The following ERBB4 variants were observed in gnomAD, a reference collection of about 807,000 sequenced individuals.
ERBB4 encodes erb-b2 receptor tyrosine kinase 4, also known as receptor tyrosine-protein kinase erbB-4.
A neutral mutation model predicts 158.0 loss-of-function variants in ERBB4; 42 were observed. The ratio of observed to expected loss-of-function variants is 0.27; its 90% CI spans 0.21 to 0.34. ERBB4 has a LOEUF of 0.34. Ranked by LOEUF, ERBB4 falls within the 10% of genes least tolerant of loss-of-function variation. The probability of loss-of-function intolerance (pLI) is 1.00; values close to 1 mark genes in which losing one functional copy is unlikely to be tolerated. For synonymous variants in ERBB4, 583 were observed against 558.7 expected, an observed-to-expected ratio of 1.04 and a Z score of -0.61; for missense variants, 1,333 against 1,624.1, an observed-to-expected ratio of 0.82 and a Z score of 3.08.
intron 2 of ERBB4, among the ~76,000 whole-genome samples, chr2:212,056,229 A>G (rs983606041): frequency 6.6e-6 from 1 of 152,222 alleles, no homozygotes; most frequent in Non-Finnish European, 1.5e-5. Flanking sequence ...GTTTAGAGAA[A>G]AAAGAGTAAA....
chr2:211,703,781 A>G (rs975528235), intron 11 of ERBB4, among the ~76,000 whole-genome samples: 2 of 152,196 alleles, frequency 1.3e-5, no homozygotes, highest in African/African-American at 4.8e-5. Context: ...GCTATTAACA[A>G]GTCACACAAC....
intron 1 of ERBB4, among the ~76,000 whole-genome samples, chr2:212,472,073 A>T (rs1689141988): frequency 6.6e-6 from 1 of 151,916 alleles, no homozygotes; most frequent in South Asian, 2.1e-4. Flanking sequence ...TAAATATTTA[A>T]TCATGCAAAA....
intron 1 of ERBB4, among the ~76,000 whole-genome samples, chr2:212,515,856 C>T (rs966493420): frequency 5.9e-5 from 9 of 151,732 alleles, no homozygotes; most frequent in African/African-American, 1.9e-4. Flanking sequence ...ATCATAATTA[C>T]CTGTAAAGAT....
At chr2:212,163,173 G>A (rs1300740302) in intron 1 of ERBB4, among the ~76,000 whole-genome samples, 1 of 151,844 alleles carries the variant, frequency 6.6e-6, no homozygotes, top group African/African-American at 2.4e-5. Context: ...ATATCAATAT[G>A]CTAAGAAACA....
At chr2:212,437,486 C>T (rs2092163414) in intron 1 of ERBB4, among the ~76,000 whole-genome samples, 1 of 108,370 alleles carries the variant, frequency 9.2e-6, no homozygotes. Flanking sequence ...TATTCATGTT[C>T]TGATACAAAA....
chr2:212,287,274 G>A (rs1242847397), intron 1 of ERBB4, among the ~76,000 whole-genome samples: 2 of 151,792 alleles, frequency 1.3e-5, no homozygotes, highest in African/African-American at 2.4e-5. Context: ...CTTTACCACC[G>A]GCAACACCAG....
At chr2:212,528,803 G>A (rs1692588722) in intron 1 of ERBB4, among the ~76,000 whole-genome samples, 1 of 152,004 alleles carries the variant, frequency 6.6e-6, no homozygotes, top group Admixed American at 6.6e-5. Context: ...TCATCTAAAA[G>A]AGCAACTAAG....
At position 212,194,740 on chromosome 2, in the gene ERBB4, TTG is replaced by T. The variant is rs200230099; in HGVS notation, c.83-69839_83-69838del. Among the ~76,000 whole-genome samples, 1,392 of 151,714 alleles carry T rather than the reference TTG, an allele frequency of 9.2e-3. 14 individuals are homozygous for T. Among genetic ancestry groups the T allele is most frequent in the African/African-American group, 0.031 (1,283 of 41,446 alleles). Reference sequence around the variant, plus strand: ...TAAAGAAAAATAAAAACATATATTTTTGCTGGCATATCTGAAGGTTTTTAAGA... The same window carrying T: ...TAAAGAAAAATAAAAACATATATTTTCTGGCATATCTGAAGGTTTTTAAGA... On this transcript the variant is annotated intron_variant, in intron 1 of 27. Transcript: ENST00000342788.
At chr2:212,526,669 A>C (rs1238515658) in intron 1 of ERBB4, among the ~76,000 whole-genome samples, 1 of 130,228 alleles carries the variant, frequency 7.7e-6, no homozygotes, top group Non-Finnish European at 1.7e-5. Context: ...TTAGTTAAAA[A>C]TATTACCAAA....
At chr2:211,913,426 C>A (rs983752127) in intron 3 of ERBB4, among the ~76,000 whole-genome samples, 6 of 151,856 alleles carry the variant, frequency 4.0e-5, no homozygotes, top group Non-Finnish European at 8.8e-5. Context: ...AATGGTGAAA[C>A]CTCGTCTCGA....
intron 20 of ERBB4, among the ~76,000 whole-genome samples, chr2:211,527,932 A>G (rs1417619459): frequency 2.0e-5 from 3 of 152,064 alleles, no homozygotes; most frequent in Non-Finnish European, 4.4e-5. Context: ...AAAGAAAGAC[A>G]GGAAAGAAGG....
In ERBB4 at chr2:211,934,323, T is replaced by C. The variant is rs185354733; in HGVS notation, c.421+13107A>G. On this transcript the variant is annotated intron_variant, in intron 3 of 27. Transcript: ENST00000342788. Reference sequence around the variant, plus strand: ...TATACTTGGATATTTCAAAATGGTATATATTTATACCAGTTGCCAACTAGG... The same window carrying C: ...TATACTTGGATATTTCAAAATGGTACATATTTATACCAGTTGCCAACTAGG... 2.3e-3 allele frequency among the ~76,000 whole-genome samples: 352 copies of C among 152,124 alleles called. 1 individual carries two copies. The highest frequency in any genetic ancestry group is 8.0e-3 in the African/African-American group (332 of 41,570).
intron 1 of ERBB4, among the ~76,000 whole-genome samples, chr2:212,127,364 G>A (rs1449795490): frequency 2.0e-5 from 3 of 152,156 alleles, no homozygotes; most frequent in Non-Finnish European, 4.4e-5. Context: ...AGGCCAAGGT[G>A]GGCGGATCAC....
At chr2:212,166,725 T>C (rs1248733289) in intron 1 of ERBB4, among the ~76,000 whole-genome samples, 2 of 152,094 alleles carry the variant, frequency 1.3e-5, no homozygotes, top group African/African-American at 4.8e-5. Context: ...AAATGCATGA[T>C]ACTGGTACCA....
At chr2:212,260,149 C>T (rs1428826152) in intron 1 of ERBB4, among the ~76,000 whole-genome samples, 1 of 151,728 alleles carries the variant, frequency 6.6e-6, no homozygotes, top group African/African-American at 2.4e-5. Context: ...ATGAAATATC[C>T]ACCTTAAAGG....
intron 20 of ERBB4, among the ~76,000 whole-genome samples, chr2:211,526,373 A>T (rs550557531): frequency 2.8e-4 from 42 of 152,264 alleles, no homozygotes; most frequent in Admixed American, 2.0e-3. Flanking sequence ...TCTTGTCCAC[A>T]ACCACCAAGG....
intron 1 of ERBB4, among the ~76,000 whole-genome samples, chr2:212,219,805 G>C (rs931633065): frequency 1.3e-5 from 2 of 151,186 alleles, no homozygotes; most frequent in African/African-American, 4.8e-5. Flanking sequence ...AACACTCTTA[G>C]GAGCAAAATA....
At chr2:211,687,485 T>C (rs1400220859) in intron 12 of ERBB4, among the ~76,000 whole-genome samples, 2 of 115,264 alleles carry the variant, frequency 1.7e-5, no homozygotes, top group Non-Finnish European at 3.9e-5. Flanking sequence ...TTTTGCGAGC[T>C]TGACTGAAGT....
chr2:212,212,358 C>A (rs1033947743), intron 1 of ERBB4, among the ~76,000 whole-genome samples: 4 of 151,858 alleles, frequency 2.6e-5, no homozygotes, highest in Non-Finnish European at 4.4e-5. Flanking sequence ...GCTAACAGGG[C>A]ATGTGAAGGA....
Sources: allele counts gnomAD v4.1 joint callset (sites outside exome capture counted in the v4.1 genomes callset), GRCh38; gene constraint gnomAD v4.1.1; transcripts MANE v1.5; gene names NCBI Gene and HGNC (gene_info 2026-07-23, HGNC 2026-07-21).